ATP9B: variants seen among roughly 807,000 people sequenced by gnomAD.
The protein encoded by ATP9B is probable phospholipid-transporting ATPase IIB.
Under a neutral mutation model 146.1 loss-of-function variants are expected in ATP9B, and 110 were observed. The observed-to-expected ratio is 0.75, with a 90% CI of 0.65 to 0.88. ATP9B has a LOEUF of 0.88. Ranked by LOEUF, ATP9B falls within the 40% of genes least tolerant of loss-of-function variation. The pLI, the probability that ATP9B is intolerant of heterozygous loss-of-function variation, is 0.00. For synonymous variants in ATP9B, 604 were observed against 569.7 expected, an observed-to-expected ratio of 1.06 and a Z score of -0.86; for missense variants, 1,499 against 1,496.4, an observed-to-expected ratio of 1.00 and a Z score of -0.03.
chr18:79,327,356 CAG>C, intron 15 of ATP9B, among the ~76,000 whole-genome samples: 1 of 152,316 alleles, frequency 6.6e-6, no homozygotes, highest in South Asian at 2.1e-4. Flanking sequence ...GCCTGCAGAA[CAG>C]AGAGGAGACC....
At chr18:79,248,282 T>G (rs961573694) in intron 11 of ATP9B, among the ~76,000 whole-genome samples, 1 of 143,422 alleles carries the variant, frequency 7.0e-6, no homozygotes, top group Non-Finnish European at 1.5e-5. Flanking sequence ...ATGGAAAAGT[T>G]GTTGCTCTAA....
Position 79,109,914 on chromosome 18 carries a change from A to G in ATP9B, c.294-441A>G, listed in dbSNP as rs2075892904. Among the ~76,000 whole-genome samples, 5 of 152,174 alleles carry G rather than the reference A, an allele frequency of 3.3e-5. No homozygotes were observed. In the South Asian group the frequency reaches 1.0e-3, roughly 31 times the overall value. On this transcript the variant is annotated intron_variant, in intron 2 of 29. Transcript: ENST00000426216. ...ATTAGTTAATACTACTGGAAAAGTC[A>G]TTTTTTAAGAGTGGAAAAAGTGATT...
intron 15 of ATP9B, among the ~76,000 whole-genome samples, chr18:79,314,694 G>C (rs1161888178): frequency 6.6e-6 from 1 of 152,244 alleles, no homozygotes; most frequent in African/African-American, 2.4e-5. Flanking sequence ...AGTTCTGCTT[G>C]CCTATCACTT....
rs143532614 is a variant in ATP9B at position 79,076,606 on chromosome 18, G to A, written c.119+7077G>A. ...TTTTTTAAGTCTTTAGTTTTTAGTC[G>A]TTTGACTGTTCTGGGTCTTGGTATG... On this transcript the variant is annotated intron_variant, in intron 1 of 29. Transcript: ENST00000426216. Among the ~76,000 whole-genome samples, 26 of 151,990 alleles carry A rather than the reference G, an allele frequency of 1.7e-4. No homozygotes were observed. In the East Asian group the frequency reaches 1.9e-3, roughly 11 times the overall value.
intron 12 of ATP9B, among the ~76,000 whole-genome samples, chr18:79,264,601 A>G (rs1375499376): frequency 2.0e-5 from 3 of 151,162 alleles, no homozygotes; most frequent in Non-Finnish European, 4.4e-5. Context: ...CTCCAAGGAG[A>G]TGAAACTCTC....
intron 7 of ATP9B, among the ~76,000 whole-genome samples, chr18:79,168,090 C>T (rs1269937241): frequency 6.6e-6 from 1 of 152,232 alleles, no homozygotes; most frequent in Non-Finnish European, 1.5e-5. Flanking sequence ...GCCCTAGGCA[C>T]ACCTCCCTCA....
At chr18:79,077,168 G>A (rs1230159113) in intron 1 of ATP9B, among the ~76,000 whole-genome samples, 1 of 152,074 alleles carries the variant, frequency 6.6e-6, no homozygotes, top group Non-Finnish European at 1.5e-5. Flanking sequence ...CTGGTTTTGG[G>A]GATAATGAGT....
At chr18:79,124,935 A>G (rs927579562) in intron 4 of ATP9B, among the ~76,000 whole-genome samples, 1 of 152,130 alleles carries the variant, frequency 6.6e-6, no homozygotes, top group Non-Finnish European at 1.5e-5. Flanking sequence ...GTGACTGGAT[A>G]AAGAGGGGTG....
At chr18:79,071,896 T>G (rs1230035966) in intron 1 of ATP9B, among the ~76,000 whole-genome samples, 51 of 146,982 alleles carry the variant, frequency 3.5e-4, no homozygotes, top group African/African-American at 1.0e-3. Flanking sequence ...TTTGTTTTTT[T>G]TTTTTTTTTT....
At chr18:79,301,646 C>T (rs1227028751) in intron 13 of ATP9B, among the ~76,000 whole-genome samples, 1 of 152,108 alleles carries the variant, frequency 6.6e-6, no homozygotes, top group Non-Finnish European at 1.5e-5. Flanking sequence ...TTTAAACTGC[C>T]TCTCATGTAA....
intron 15 of ATP9B, among the ~76,000 whole-genome samples, chr18:79,319,350 A>T (rs2096701800): frequency 6.6e-6 from 1 of 152,320 alleles, no homozygotes; most frequent in Middle Eastern, 3.4e-3. Flanking sequence ...GAGAGGGAAC[A>T]GTTCCCTAGG....
At position 79,158,517 on chromosome 18, in the gene ATP9B, AC is replaced by A. The variant is rs1226857838; in HGVS notation, c.778+3964del. Reference sequence around the variant, plus strand: ...TGTGTTGCCCAGGCTGGTCTTGACCACCTGGCCTCACGTGATCCTCCCACCT... The same window carrying A: ...TGTGTTGCCCAGGCTGGTCTTGACCACTGGCCTCACGTGATCCTCCCACCT... On this transcript the variant is annotated intron_variant, in intron 7 of 29. Coordinates refer to ENST00000426216, the MANE Select transcript of ATP9B (RefSeq NM_198531.5). Among the ~76,000 whole-genome samples the A allele has an allele frequency of 2.6e-5, 4 of 152,196 alleles. No homozygotes were observed. The East Asian group carries it at 7.7e-4, about 29-fold the overall frequency.
At chr18:79,148,005 C>T (rs539543540) in intron 6 of ATP9B, among the ~76,000 whole-genome samples, 2 of 152,120 alleles carry the variant, frequency 1.3e-5, no homozygotes, top group Non-Finnish European at 2.9e-5. Context: ...CACTATAGAT[C>T]CTGCAGCCAT....
intron 19 of ATP9B, among the ~76,000 whole-genome samples, chr18:79,341,811 G>A (rs8086149): frequency 0.38 from 56,462 of 148,472 alleles, 11,267 homozygotes; most frequent in Middle Eastern, 0.54. Flanking sequence ...TGTGTGTAGC[G>A]TGACCTTGTT....
At chr18:79,118,180 G>A (rs1263959239) in intron 4 of ATP9B, among the ~76,000 whole-genome samples, 1 of 151,726 alleles carries the variant, frequency 6.6e-6, no homozygotes, top group East Asian at 2.0e-4. Context: ...TTGTTCATAA[G>A]CATTGTTATA....
At position 79,163,867 on chromosome 18, in the gene ATP9B, T is replaced by TACAC. The variant is rs1491204627; in HGVS notation, c.778+9313_778+9314insCACA. Among the ~76,000 whole-genome samples the TACAC allele has an allele frequency of 9.6e-4, 75 of 77,780 alleles. 1 individual carries two copies. In the South Asian group the frequency reaches 0.026, roughly 27 times the overall value. The allele number at this position is 77,780 out of a possible 152,430, so 51.0% of individuals were successfully genotyped here. On this transcript the variant is annotated intron_variant, in intron 7 of 29. Coordinates refer to ENST00000426216, the MANE Select transcript of ATP9B (RefSeq NM_198531.5). ...TATATTTTATTTTCATATTTTATTTTATACACACACACACACACACACACA... is the reference window on the plus strand; with the variant it reads ...TATATTTTATTTTCATATTTTATTTTACACATACACACACACACACACACACACA...
chr18:79,320,797 G>A (rs1013169097), intron 15 of ATP9B, among the ~76,000 whole-genome samples: 6 of 99,830 alleles, frequency 6.0e-5, no homozygotes, highest in East Asian at 1.6e-3. Context: ...AGGAAACTCC[G>A]GGATGCTGTG....
chr18:79,293,579 C>T (rs1274239500), intron 13 of ATP9B, among the ~76,000 whole-genome samples: 1 of 152,200 alleles, frequency 6.6e-6, no homozygotes, highest in African/African-American at 2.4e-5. Flanking sequence ...AGCAGAAAGG[C>T]CCTGACCAGA....
At chr18:79,177,003 C>A in intron 8 of ATP9B, 96 bp downstream of exon 8, 1 of 1,002,964 alleles carries the variant, frequency 1.0e-6, no homozygotes, top group Non-Finnish European at 1.5e-6. Flanking sequence ...TTATTTAATG[C>A]ATTGAGAATT....
Sources: gnomAD v4.1 joint callset for allele counts (sites outside exome capture counted in the v4.1 genomes callset) on GRCh38, gnomAD v4.1.1 for gene constraint, MANE v1.5 for transcripts, NCBI Gene and HGNC (gene_info 2026-07-23, HGNC 2026-07-21) for gene names.